POLE2: variants seen among roughly 807,000 people sequenced by gnomAD.
POLE2 encodes DNA polymerase epsilon subunit 2.
In POLE2, 56 loss-of-function variants were observed where a neutral mutation model predicts 79.4. The ratio of observed to expected loss-of-function variants is 0.71; its 90% CI spans 0.57 to 0.88. POLE2 has a LOEUF of 0.88. Ranked by LOEUF, POLE2 falls within the 40% of genes least tolerant of loss-of-function variation. POLE2 has a pLI of 0.00. For synonymous variants in POLE2, 212 were observed against 214.0 expected (o/e 0.99, Z 0.08); for missense variants, 598 against 638.9 (o/e 0.94, Z 0.69).
intron 2 of POLE2, among the ~76,000 whole-genome samples, 153 bp from the exon 3 acceptor site, chr14:49,679,953 T>C (rs1789458435): frequency 6.6e-6 from 1 of 152,170 alleles, no homozygotes; most frequent in Non-Finnish European, 1.5e-5. Flanking sequence ...GTCAGAACAA[T>C]AACAAAAGCC....
intron 15 of POLE2, among the ~76,000 whole-genome samples, chr14:49,653,631 T>G (rs1031614982): frequency 1.3e-5 from 2 of 151,500 alleles, no homozygotes; most frequent in South Asian, 2.1e-4. Flanking sequence ...TTGTTTTTTG[T>G]TTTTTTTGTT....
chr14:49,679,940 T>A lies in POLE2; in HGVS notation c.170-140A>T, dbSNP rs1886580108. 9 of 598,308 alleles carry A rather than the reference T, an allele frequency of 1.5e-5. No individual in the cohort carries two copies. In the South Asian group the frequency reaches 1.7e-4, roughly 12 times the overall value. 37.1% of individuals were successfully genotyped at this position (598,308 alleles called of 1,614,324 possible). ...TACAGTTTTTGGAGAAAAAAAGTGT[T>A]AGGTCAGAACAATAACAAAAGCCTT... On this transcript the variant is annotated intron_variant, in intron 2 of 18. Transcript: ENST00000216367.
rs1032750891 is a variant in POLE2, at chr14:49,674,521, C to G, written c.246-94G>C. 6.7e-6 allele frequency: 5 copies of G among 741,036 alleles called. No individual in the cohort carries two copies. The African/African-American group carries it at 8.9e-5, about 13-fold the overall frequency. The allele number at this position is 741,036 out of a possible 1,614,324, so 45.9% of individuals were successfully genotyped here. On this transcript the variant is annotated intron_variant, in intron 3 of 18. Transcript: ENST00000216367. ...CTTGCATTATAAGTATTTGTAATAA[C>G]ACACTTTTCACATTTTCTCAGGCCA...
intron 18 of POLE2, among the ~76,000 whole-genome samples, chr14:49,644,915 G>A (rs924468660): frequency 3.9e-5 from 6 of 151,970 alleles, no homozygotes; most frequent in African/African-American, 1.5e-4. Context: ...GGTGGCATGT[G>A]CCTGTGATCC....
intron 16 of POLE2, among the ~76,000 whole-genome samples, chr14:49,650,699 T>TG (rs1884158562): frequency 6.6e-6 from 1 of 152,150 alleles, no homozygotes; most frequent in Non-Finnish European, 1.5e-5. Flanking sequence ...GGTCTCAAAC[T>TG]CCTGGCCTCA....
intron 3 of POLE2, among the ~76,000 whole-genome samples, chr14:49,675,272 C>T (rs1162334623): frequency 6.6e-6 from 1 of 151,122 alleles, no homozygotes; most frequent in East Asian, 2.0e-4. Context: ...TTAACAAAGA[C>T]GGGGTTTCTT....
intron 6 of POLE2, among the ~76,000 whole-genome samples, chr14:49,667,633 A>C (rs1885581992): frequency 6.6e-6 from 1 of 151,034 alleles, no homozygotes; most frequent in Non-Finnish European, 1.5e-5. Flanking sequence ...CTGCAGCCTT[A>C]AACTGGGCTC....
chr14:49,667,998 G>A (rs1367317935), intron 6 of POLE2, among the ~76,000 whole-genome samples: 4 of 152,260 alleles, frequency 2.6e-5, no homozygotes, highest in Non-Finnish European at 4.4e-5. Flanking sequence ...AGGACTGGGC[G>A]TGGTGGTTCA....
intron 7 of POLE2, 60 bp downstream of exon 7, chr14:49,666,270 T>G (rs1184878411): frequency 1.2e-6 from 1 of 841,522 alleles, no homozygotes; most frequent in East Asian, 2.6e-5. Flanking sequence ...AAATGTTCTA[T>G]GTAACCGACA....
chr14:49,655,151 A>C, intron 11 of POLE2, 57 bp from the exon 12 acceptor site: 1 of 672,436 alleles, frequency 1.5e-6, no homozygotes, highest in Non-Finnish European at 2.3e-6. Context: ...TCAAGTTAAA[A>C]ACCCTTTAAC....
At chr14:49,671,139 C>T (rs1242635687) in intron 5 of POLE2, among the ~76,000 whole-genome samples, 1 of 152,088 alleles carries the variant, frequency 6.6e-6, no homozygotes, top group African/African-American at 2.4e-5. Context: ...GTGGCACACC[C>T]ACCATAACAG....
chr14:49,645,043 C>CAAAAAAAAAAACAAA (rs1883662343), intron 18 of POLE2, among the ~76,000 whole-genome samples: 1 of 88,320 alleles, frequency 1.1e-5, no homozygotes. Flanking sequence ...CTCCGTCTCA[C>CAAAAAAAAAAACAAA]AAAAAAAAAA....
At chr14:49,683,503 G>A in intron 2 of POLE2, 90 bp downstream of exon 2, 1 of 642,152 alleles carries the variant, frequency 1.6e-6, no homozygotes. Flanking sequence ...TCTTAATAGT[G>A]AAGCCTCAAC....
At position 49,651,146 on chromosome 14, in the gene POLE2, C is replaced by T. The variant is rs538641247; in HGVS notation, c.1320+123G>A. On this transcript the variant is annotated intron_variant, in intron 16 of 18. Coordinates refer to ENST00000216367, the MANE Select transcript of POLE2 (RefSeq NM_002692.4). The stretch of plus-strand genomic sequence containing the variant: ...AAAAATTAACTTACTGACAAAAGTA[C>T]GTTCAAACTATTTTGAACCATAAAT... 7.2e-5 allele frequency: 37 copies of T among 510,860 alleles called. No individual in the cohort carries two copies. The East Asian group carries it at 9.9e-4, about 14-fold the overall frequency. 31.6% of individuals were successfully genotyped at this position (510,860 alleles called of 1,614,324 possible). A position where few individuals can be genotyped will look rare whatever the true frequency, so the allele number is the denominator to read the frequency against.
chr14:49,651,287 A>AT lies in POLE2; in HGVS notation c.1301dup (p.Asn434LysfsTer6). ...CACTTACGTGATTAGGAATAGCCAA[A>AT]TTGCTGCTAGGAAAACGGACGCAGT... On this transcript the variant is annotated frameshift_variant, in exon 16 of 19. Coordinates refer to ENST00000216367, the MANE Select transcript of POLE2 (RefSeq NM_002692.4). LOFTEE classifies it high-confidence loss of function. 6.3e-7 allele frequency: 1 copy of AT among 1,584,364 alleles called. No individual in the cohort carries two copies. Among genetic ancestry groups the AT allele is most frequent in the Non-Finnish European group, 8.7e-7 (1 of 1,154,350 alleles).
chr14:49,651,138 C>G lies in POLE2; in HGVS notation c.1320+131G>C, dbSNP rs537476233. 234 of 504,398 alleles carry G rather than the reference C, an allele frequency of 4.6e-4. 3 individuals are homozygous for G. The South Asian group carries it at 7.7e-3, about 17-fold the overall frequency. The allele number at this position is 504,398 out of a possible 1,614,324, so 31.2% of individuals were successfully genotyped here. ...TCACTAACAAAAATTAACTTACTGA[C>G]AAAAGTACGTTCAAACTATTTTGAA... On this transcript the variant is annotated intron_variant, in intron 16 of 18. Transcript: ENST00000216367.
intron 5 of POLE2, among the ~76,000 whole-genome samples, chr14:49,671,452 C>T (rs1020477650): frequency 2.5e-4 from 38 of 151,784 alleles, no homozygotes; most frequent in African/African-American, 8.2e-4. Flanking sequence ...CCCATCTCTA[C>T]TAAAAATACA....
At position 49,674,555 on chromosome 14, in the gene POLE2, ATTTCTT is replaced by A. The variant is rs149697138; in HGVS notation, c.246-134_246-129del. On this transcript the variant is annotated intron_variant, in intron 3 of 18. Coordinates refer to ENST00000216367, the MANE Select transcript of POLE2 (RefSeq NM_002692.4). ...CACATTTTCTCAGGCCAGGCACACA[ATTTCTT>A]TTTCTTTTTCTTTTTCTTTTTTAAG... 4.8e-3 allele frequency: 3,133 copies of A among 650,894 alleles called. 101 individuals are homozygous for A. In the East Asian group the frequency reaches 0.075, roughly 16 times the overall value. 40.3% of individuals were successfully genotyped at this position (650,894 alleles called of 1,614,324 possible). A position where few individuals can be genotyped will look rare whatever the true frequency, so the allele number is the denominator to read the frequency against.
At chr14:49,650,206 TAAAA>T (rs760497679) in intron 17 of POLE2, 55 bp downstream of exon 17, 10 of 878,014 alleles carry the variant, frequency 1.1e-5, no homozygotes, top group Non-Finnish European at 3.2e-6. Flanking sequence ...ATTTTTAAAT[TAAAA>T]AATGCACTCT....
Sources: allele counts gnomAD v4.1 joint callset (sites outside exome capture counted in the v4.1 genomes callset), GRCh38; gene constraint gnomAD v4.1.1; transcripts MANE v1.5; gene names NCBI Gene and HGNC (gene_info 2026-07-23, HGNC 2026-07-21).